The following LARGE1 variants were observed in gnomAD, a reference collection of about 807,000 sequenced individuals.
The protein encoded by LARGE1 is LARGE xylosyl- and glucuronyltransferase 1.
A neutral mutation model predicts 87.6 loss-of-function variants in LARGE1; 43 were observed. The ratio of observed to expected loss-of-function variants is 0.49; its 90% confidence interval spans 0.38 to 0.63. The LOEUF is 0.63. Among genes scored for constraint, LARGE1 ranks in the 30% least tolerant of loss-of-function variants. The probability of loss-of-function intolerance (pLI) is 0.00; values close to 1 mark genes in which losing one functional copy is unlikely to be tolerated. For missense variants in LARGE1, 802 were observed against 1,000.2 expected (o/e 0.80, Z 2.67); for synonymous variants, 434 against 394.6 (o/e 1.10, Z -1.18).
intron 1 of LARGE1, among the ~76,000 whole-genome samples, chr22:33,855,835 G>GT (rs747156224): frequency 6.6e-6 from 1 of 152,096 alleles, no homozygotes; most frequent in South Asian, 2.1e-4. Flanking sequence ...CTCATTACAC[G>GT]TTTTTTGCTC....
At chr22:33,866,536 G>A (rs1601811647) in intron 1 of LARGE1, among the ~76,000 whole-genome samples, 1 of 152,268 alleles carries the variant, frequency 6.6e-6, no homozygotes, top group East Asian at 1.9e-4. Flanking sequence ...TTGAGGGTCT[G>A]TGTGACCTTG....
chr22:33,452,082 C>T (rs1481670233), intron 6 of LARGE1, among the ~76,000 whole-genome samples: 1 of 152,158 alleles, frequency 6.6e-6, no homozygotes, highest in Admixed American at 6.5e-5. Context: ...TTTATTCATC[C>T]AACAGTTATT....
At chr22:33,920,699 G>A (rs1458371759), upstream of LARGE1, among the ~76,000 whole-genome samples, 1 of 145,620 alleles carries the variant, frequency 6.9e-6, no homozygotes, top group South Asian at 2.1e-4. Context: ...CGGCGCGGTG[G>A]GTGCGGGGAG....
intron 7 of LARGE1, among the ~76,000 whole-genome samples, chr22:33,389,298 T>C (rs943026345): frequency 2.0e-5 from 3 of 152,202 alleles, no homozygotes; most frequent in African/African-American, 7.2e-5. Context: ...TCCAACCATG[T>C]TTATGCCGTT....
chr22:33,582,650 G>A (rs1051267525), intron 5 of LARGE1, among the ~76,000 whole-genome samples: 2 of 152,180 alleles, frequency 1.3e-5, no homozygotes, highest in African/African-American at 4.8e-5. Context: ...TAGGCACCCT[G>A]GTCACCCAGC....
intron 6 of LARGE1, among the ~76,000 whole-genome samples, chr22:33,555,786 C>T (rs772300776): frequency 7.3e-5 from 11 of 151,714 alleles, no homozygotes; most frequent in Non-Finnish European, 1.6e-4. Flanking sequence ...AAAAATTAGC[C>T]GGGTGTGGTG....
At chr22:33,546,057 A>G (rs976813481) in intron 6 of LARGE1, among the ~76,000 whole-genome samples, 3 of 152,172 alleles carry the variant, frequency 2.0e-5, no homozygotes, top group Non-Finnish European at 4.4e-5. Context: ...TCACCTTTCT[A>G]CACTGAGGAC....
At chr22:33,366,940 G>T (rs1463382637) in intron 9 of LARGE1, among the ~76,000 whole-genome samples, 1 of 151,972 alleles carries the variant, frequency 6.6e-6, no homozygotes, top group Non-Finnish European at 1.5e-5. Context: ...AAAAAAAATT[G>T]GTAGAACTTA....
the LARGE1 span, among the ~76,000 whole-genome samples, chr22:33,129,945 CCGTATCATCAT>C: frequency 1.3e-5 from 2 of 152,190 alleles, no homozygotes; most frequent in Non-Finnish European, 2.9e-5. Context: ...CACAGCCGAA[CCGTATCATCAT>C]CGTGGGAAGT....
chr22:33,105,351 C>T, the LARGE1 span: 1 of 152,202 alleles, frequency 6.6e-6, no homozygotes, highest in Non-Finnish European at 1.5e-5. Context: ...GAAAGAAACT[C>T]TTTCCCAGGT....
At chr22:33,127,278 G>A in the LARGE1 span, among the ~76,000 whole-genome samples, 12 of 152,272 alleles carry the variant, frequency 7.9e-5, no homozygotes, top group Middle Eastern at 3.4e-3. Flanking sequence ...GAGACAATGA[G>A]CAACCCAGGA....
chr22:33,408,233 C>T (rs929209271), intron 7 of LARGE1, among the ~76,000 whole-genome samples: 1 of 152,148 alleles, frequency 6.6e-6, no homozygotes, highest in South Asian at 2.1e-4. Flanking sequence ...GATCTACCCG[C>T]CTCGGCCCCC....
chr22:33,568,541 C>T (rs555582285), intron 5 of LARGE1, among the ~76,000 whole-genome samples: 3 of 152,046 alleles, frequency 2.0e-5, no homozygotes, highest in African/African-American at 2.4e-5. Context: ...CTGAGGTGGG[C>T]GGATCCCCTG....
chr22:33,797,440 T>C (rs1159440700), intron 1 of LARGE1, among the ~76,000 whole-genome samples: 1 of 152,184 alleles, frequency 6.6e-6, no homozygotes, highest in African/African-American at 2.4e-5. Flanking sequence ...TGTAAAACCA[T>C]CGTGTTAACC....
intron 6 of LARGE1, among the ~76,000 whole-genome samples, chr22:33,438,034 G>A (rs974273505): frequency 6.6e-6 from 1 of 151,866 alleles, no homozygotes; most frequent in Non-Finnish European, 1.5e-5. Flanking sequence ...GGGTTCTGTC[G>A]GGTAACACCC....
At chr22:33,751,393 A>G (rs145969181) in intron 2 of LARGE1, among the ~76,000 whole-genome samples, 7,905 of 152,194 alleles carry the variant, frequency 0.052, 250 homozygotes, top group Non-Finnish European at 0.081. Context: ...AGGCAGGAGA[A>G]TCGCTTGAAC....
In LARGE1 at chr22:33,450,058, C is replaced by A. The variant is rs2067849174; in HGVS notation, c.788-17793G>T. On this transcript the variant is annotated intron_variant, in intron 6 of 14. Transcript: ENST00000397394. ...TCCCAAGTAGCTGGAACTACAGGCA[C>A]CCGCCACCACGCCCGGCTAATTTTT... 4.6e-5 allele frequency among the ~76,000 whole-genome samples: 7 copies of A among 151,966 alleles called. No homozygotes were observed. In the South Asian group the frequency reaches 1.5e-3, roughly 32 times the overall value.
chr22:33,289,208 T>A (rs553324674), intron 12 of LARGE1, among the ~76,000 whole-genome samples: 94 of 152,298 alleles, frequency 6.2e-4, no homozygotes, highest in Non-Finnish European at 1.1e-3. Flanking sequence ...TCTGCCTGCC[T>A]CAGCCTCCCA....
intron 9 of LARGE1, among the ~76,000 whole-genome samples, chr22:33,365,712 G>A (rs910566321): frequency 2.0e-5 from 3 of 151,810 alleles, no homozygotes; most frequent in Non-Finnish European, 4.4e-5. Flanking sequence ...CACCTCCCGG[G>A]CTCAAGAAAT....
Sources: gnomAD v4.1 joint callset for allele counts (sites outside exome capture counted in the v4.1 genomes callset) on GRCh38, gnomAD v4.1.1 for gene constraint, MANE v1.5 for transcripts, NCBI Gene and HGNC (gene_info 2026-07-23, HGNC 2026-07-21) for gene names.